The following LRRD1 variants were observed in gnomAD, a reference collection of about 807,000 sequenced individuals.
LRRD1 encodes leucine-rich repeat and death domain-containing protein 1.
A neutral mutation model predicts 69.5 loss-of-function variants in LRRD1; 49 were observed. That is an observed-to-expected ratio of 0.70 (90% CI 0.56 to 0.89). The LOEUF is 0.89. LRRD1 is among the 40% of genes least tolerant of loss of function. The pLI, the probability that LRRD1 is intolerant of heterozygous loss-of-function variation, is 0.00. For synonymous variants in LRRD1, 303 were observed against 338.9 expected, an observed-to-expected ratio of 0.89 and a Z score of 1.16; for missense variants, 853 against 956.0, an observed-to-expected ratio of 0.89 and a Z score of 1.42.
intron 1 of LRRD1, among the ~76,000 whole-genome samples, chr7:92,174,505 ATATATTTTTTTTT>A (rs1478547962): frequency 5.2e-5 from 1 of 19,258 alleles, no homozygotes; most frequent in East Asian, 7.3e-4. Context: ...ATATATATAT[ATATATTTTTTTTT>A]TTTTTTTTTT....
chr7:92,165,191 C>T lies in LRRD1; in HGVS notation c.12G>A (p.Lys4=). 6.8e-7 allele frequency: 1 copy of T among 1,463,810 alleles called. No homozygotes were observed. The highest frequency in any genetic ancestry group is 9.1e-7 in the Non-Finnish European group (1 of 1,100,722). 90.7% of individuals were successfully genotyped at this position (1,463,810 alleles called of 1,614,324 possible). A position where few individuals can be genotyped will look rare whatever the true frequency, so the allele number is the denominator to read the frequency against. Residue 4 remains lysine, a synonymous_variant, in exon 2 of 6, where the codon AAG becomes AAA. Transcript: ENST00000458448. MSE[K]EGMSEVLEDT... is the part of the protein sequence containing the mutation. ...CCTCTAGCACTTCTGACATACCCTCCTTTTCAGACATCTTATTTGCTGATA... is the reference window on the plus strand; with the variant it reads ...CCTCTAGCACTTCTGACATACCCTCTTTTTCAGACATCTTATTTGCTGATA...
rs758022588 is a variant in LRRD1, at chr7:92,164,561, C to G, written c.642G>C (p.Arg214Ser). The part of the protein sequence containing the change: ...PSEIQLLHNL[R>S]ILNVSHNHIS... ...TGTGGTTATGACTGACATTTAATAT[C>G]CTTAAATTATGAAGTAACTGAATTT... The change falls in exon 2 of 6, where the codon AGG becomes AGC. Residue 214 changes from arginine (R) to serine (S), a missense_variant. Arg to Ser is a moderately radical substitution (Grantham distance 110). Coordinates refer to ENST00000458448, the MANE Select transcript of LRRD1 (RefSeq NM_001161528.2). The G allele has an allele frequency of 6.5e-7, 1 of 1,550,292 alleles. No individual in the cohort carries two copies. Among genetic ancestry groups the G allele is most frequent in the East Asian group, 2.4e-5 (1 of 40,828 alleles).
rs973723790 is a variant in LRRD1, at chr7:92,164,653, A to C, written c.550T>G (p.Ser184Ala). ...NQIKTFQGAD[S>A]GDLLGLEILS... Reference sequence around the variant, plus strand: ...ATTTCAAGTCCTAACAGATCACCTGAGTCTGCCCCTTGAAATGTTTTGATT... The same window carrying C: ...ATTTCAAGTCCTAACAGATCACCTGCGTCTGCCCCTTGAAATGTTTTGATT... Residue 184 changes from serine (S) to alanine (A), a missense_variant, in exon 2 of 6, where the codon TCA (serine) becomes GCA (alanine). Ser to Ala is a moderately conservative substitution (Grantham distance 99). Transcript: ENST00000458448. 2 of 1,551,666 alleles carry C rather than the reference A, an allele frequency of 1.3e-6. No individual in the cohort carries two copies. The highest frequency in any genetic ancestry group is 2.7e-5 in the African/African-American group (2 of 73,042).
At chr7:92,162,107 T>A (rs1486221533) in intron 2 of LRRD1, among the ~76,000 whole-genome samples, 1 of 152,218 alleles carries the variant, frequency 6.6e-6, no homozygotes. Context: ...TAGTGCAAAA[T>A]CAACTTTTTA....
chr7:92,150,775 G>T lies in LRRD1; in HGVS notation c.2117-80C>A, dbSNP rs1820447311. The T allele has an allele frequency of 2.9e-6, 3 of 1,048,942 alleles. No individual in the cohort carries two copies. In the Admixed American group the frequency reaches 7.9e-5, roughly 27 times the overall value. 65.0% of individuals were successfully genotyped at this position (1,048,942 alleles called of 1,614,324 possible). A position where few individuals can be genotyped will look rare whatever the true frequency, so the allele number is the denominator to read the frequency against. Reference sequence around the variant, plus strand: ...AGACAAATAACATCTGTTATGTCTTGCTGGCAAAGTACCAGAGGACCCTCA... The same window carrying T: ...AGACAAATAACATCTGTTATGTCTTTCTGGCAAAGTACCAGAGGACCCTCA... On this transcript the variant is annotated intron_variant, in intron 3 of 5. Coordinates refer to ENST00000458448, the MANE Select transcript of LRRD1 (RefSeq NM_001161528.2).
intron 3 of LRRD1, among the ~76,000 whole-genome samples, chr7:92,157,687 A>C (rs1323863373): frequency 6.6e-6 from 1 of 151,782 alleles, no homozygotes; most frequent in East Asian, 1.9e-4. Flanking sequence ...CTCCTGCCTC[A>C]GCCTCCTGAG....
chr7:92,177,603 C>A (rs542432746), intron 1 of LRRD1, among the ~76,000 whole-genome samples: 9 of 152,286 alleles, frequency 5.9e-5, no homozygotes, highest in Admixed American at 1.3e-4. Flanking sequence ...TCAAGGCTGT[C>A]TGCTTGCAAG....
intron 5 of LRRD1, 100 bp downstream of exon 5, chr7:92,145,983 G>T: frequency 1.6e-6 from 1 of 615,606 alleles, no homozygotes; most frequent in South Asian, 3.2e-5. Context: ...CAGCAAAGTA[G>T]AGATTGTGTT....
intron 1 of LRRD1, among the ~76,000 whole-genome samples, chr7:92,177,034 T>C (rs1789213726): frequency 6.7e-6 from 1 of 148,842 alleles, no homozygotes; most frequent in East Asian, 1.9e-4. Context: ...ATACAAGTAA[T>C]ATACAAATGA....
chr7:92,152,158 T>C (rs1033150587), intron 3 of LRRD1, among the ~76,000 whole-genome samples: 3 of 150,476 alleles, frequency 2.0e-5, no homozygotes, highest in Non-Finnish European at 4.4e-5. Context: ...TGTGTGTGTG[T>C]GTGTGTGTGT....
chr7:92,146,614 C>CAAAAA (rs35072020), intron 4 of LRRD1, among the ~76,000 whole-genome samples: 1 of 130,846 alleles, frequency 7.6e-6, no homozygotes, highest in Non-Finnish European at 1.6e-5. Flanking sequence ...AAGACTGTCT[C>CAAAAA]AAAAAAAAAA....
intron 1 of LRRD1, among the ~76,000 whole-genome samples, chr7:92,172,975 T>C (rs1324284848): frequency 6.6e-6 from 1 of 152,116 alleles, no homozygotes; most frequent in African/African-American, 2.4e-5. Flanking sequence ...CAAATCAACA[T>C]GATACTGGCA....
At chr7:92,158,064 G>T (rs1034067926) in intron 3 of LRRD1, among the ~76,000 whole-genome samples, 1 of 152,170 alleles carries the variant, frequency 6.6e-6, no homozygotes, top group African/African-American at 2.4e-5. Context: ...AGGGCTATCT[G>T]TTAGCCCACA....
intron 1 of LRRD1, among the ~76,000 whole-genome samples, chr7:92,172,158 C>T (rs968897566): frequency 7.9e-5 from 12 of 152,064 alleles, no homozygotes; most frequent in African/African-American, 2.9e-4. Flanking sequence ...ACCCAACATC[C>T]GTTTATGATA....
At chr7:92,169,709 C>G (rs1035135710) in intron 1 of LRRD1, among the ~76,000 whole-genome samples, 4 of 151,774 alleles carry the variant, frequency 2.6e-5, no homozygotes, top group Non-Finnish European at 5.9e-5. Context: ...TCACTAGAGG[C>G]TCTCAACAGT....
chr7:92,146,750 G>A (rs1164033134), intron 4 of LRRD1, among the ~76,000 whole-genome samples: 1 of 150,460 alleles, frequency 6.6e-6, no homozygotes, highest in Non-Finnish European at 1.5e-5. Flanking sequence ...AAGAAACCCC[G>A]TCTCTACTAA....
chr7:92,167,906 A>G (rs1479442368), intron 1 of LRRD1, among the ~76,000 whole-genome samples: 2 of 125,010 alleles, frequency 1.6e-5, no homozygotes, highest in South Asian at 2.6e-4. Flanking sequence ...AAAAAAAAAA[A>G]AATAAGTTAT....
chr7:92,160,294 G>A (rs1225144019), intron 2 of LRRD1, among the ~76,000 whole-genome samples: 1 of 152,156 alleles, frequency 6.6e-6, no homozygotes, highest in African/African-American at 2.4e-5. Context: ...GTTCTTCCAG[G>A]TATAAAGGAA....
At chr7:92,143,665 G>T (rs1335262294), downstream of LRRD1, among the ~76,000 whole-genome samples, 1 of 152,150 alleles carries the variant, frequency 6.6e-6, no homozygotes. Flanking sequence ...GCGCTGGCCC[G>T]CAAGCACCGC....
Sources: gnomAD v4.1 joint callset for allele counts (sites outside exome capture counted in the v4.1 genomes callset) on GRCh38, gnomAD v4.1.1 for gene constraint, MANE v1.5 for transcripts, NCBI Gene and HGNC (gene_info 2026-07-23, HGNC 2026-07-21) for gene names.